Variants in GRIA3 observed in about 807,000 individuals in gnomAD.
GRIA3 encodes glutamate receptor 3.
Under a neutral mutation model 63.0 loss-of-function variants are expected in GRIA3, and 3 were observed. That is an observed-to-expected ratio of 0.05 (90% confidence interval 0.02 to 0.12). The LOEUF is 0.12. Among genes scored for constraint, GRIA3 ranks in the 10% least tolerant of loss-of-function variants. The pLI, the probability that GRIA3 is intolerant of heterozygous loss-of-function variation, is 1.00. For missense variants in GRIA3, 347 were observed against 700.9 expected (o/e 0.50, Z 5.70); for synonymous variants, 274 against 257.9 (o/e 1.06, Z -0.60).
At chrX:123,232,550 G>C (rs1340696415) in intron 2 of GRIA3, among the ~76,000 whole-genome samples, 4 of 111,463 alleles carry the variant, frequency 3.6e-5, no homozygotes, top group African/African-American at 1.3e-4. Flanking sequence ...CTTTATGAAT[G>C]TATTTAATAC....
chrX:123,193,494 T>A (rs1302467682), intron 2 of GRIA3, among the ~76,000 whole-genome samples: 1 of 111,629 alleles, frequency 9.0e-6, no homozygotes, highest in Non-Finnish European at 1.9e-5. Flanking sequence ...GACTGAAAAA[T>A]TGACTCCATT....
chrX:123,231,772 C>A (rs762053638), intron 2 of GRIA3, among the ~76,000 whole-genome samples: 1 of 110,589 alleles, frequency 9.0e-6, no homozygotes, highest in Non-Finnish European at 1.9e-5. Flanking sequence ...CCAAAACTAT[C>A]CCAGCTCCCC....
intron 4 of GRIA3, among the ~76,000 whole-genome samples, chrX:123,337,979 T>G (rs2147340154): frequency 8.9e-6 from 1 of 111,996 alleles, no homozygotes; most frequent in African/African-American, 3.2e-5. Context: ...ATTTCAGTCT[T>G]ACCTACTCAA....
chrX:123,193,853 C>T (rs150050542), intron 2 of GRIA3, among the ~76,000 whole-genome samples: 155 of 111,450 alleles, frequency 1.4e-3, no homozygotes, highest in African/African-American at 4.9e-3. Context: ...GCAGGATCCT[C>T]AGAGGGGGCT....
chrX:123,344,746 C>T (rs2045032515), intron 4 of GRIA3, among the ~76,000 whole-genome samples: 1 of 111,442 alleles, frequency 9.0e-6, no homozygotes, highest in Non-Finnish European at 1.9e-5. Flanking sequence ...CTGCTCCCTG[C>T]CTACCCAGGA....
chrX:123,363,022 G>T (rs1311915195), intron 5 of GRIA3, among the ~76,000 whole-genome samples: 1 of 112,574 alleles, frequency 8.9e-6, no homozygotes, highest in Non-Finnish European at 1.9e-5. Flanking sequence ...CTCCCAGGAG[G>T]ATGGATCTGC....
At position 123,218,133 on chromosome X, in the gene GRIA3, C is replaced by T. The variant is rs566925001; in HGVS notation, c.268+32143C>T. Among the ~76,000 whole-genome samples the T allele has an allele frequency of 8.0e-5, 9 of 112,317 alleles. No individual in the cohort carries two copies. The South Asian group carries it at 1.8e-3, about 23-fold the overall frequency. ...AGATGCTAAATAAGAAAGTGTATAA[C>T]CTGAAAGGCCTACCCATGGCATCAG... On this transcript the variant is annotated intron_variant, in intron 2 of 15. Coordinates refer to ENST00000620443, the MANE Select transcript of GRIA3 (RefSeq NM_007325.5).
intron 5 of GRIA3, among the ~76,000 whole-genome samples, chrX:123,358,064 AAGAC>A (rs1218070340): frequency 1.8e-5 from 2 of 111,077 alleles, no homozygotes; most frequent in African/African-American, 6.5e-5. Flanking sequence ...GCCTCCATCA[AAGAC>A]AGACAGAGAG....
intron 3 of GRIA3, among the ~76,000 whole-genome samples, chrX:123,318,266 T>TC (rs2044845272): frequency 1.8e-5 from 2 of 110,010 alleles, no homozygotes; most frequent in African/African-American, 6.9e-5. Context: ...TGGAGACATT[T>TC]TCCCCCCATG....
intron 12 of GRIA3, among the ~76,000 whole-genome samples, chrX:123,440,345 G>T (rs781559409): frequency 1.8e-5 from 2 of 112,276 alleles, no homozygotes; most frequent in African/African-American, 3.2e-5. Flanking sequence ...TGGTAGTTTT[G>T]CTTTTAGCTC....
intron 3 of GRIA3, among the ~76,000 whole-genome samples, chrX:123,287,233 C>T (rs1434578557): frequency 9.0e-6 from 1 of 111,693 alleles, no homozygotes; most frequent in Non-Finnish European, 1.9e-5. Context: ...GCTAAAAACT[C>T]TCAATAAACT....
At chrX:123,292,254 A>C (rs1233400835) in intron 3 of GRIA3, among the ~76,000 whole-genome samples, 1 of 111,705 alleles carries the variant, frequency 9.0e-6, no homozygotes, top group African/African-American at 3.2e-5. Context: ...TATTTTATGC[A>C]TGCAAATCTC....
intron 11 of GRIA3, among the ~76,000 whole-genome samples, chrX:123,421,793 G>A (rs1209078162): frequency 9.0e-6 from 1 of 111,568 alleles, no homozygotes; most frequent in Non-Finnish European, 1.9e-5. Context: ...ACTGCAGCGT[G>A]GGCATTATAC....
intron 3 of GRIA3, among the ~76,000 whole-genome samples, chrX:123,267,626 G>A (rs968472678): frequency 8.9e-6 from 1 of 112,246 alleles, no homozygotes; most frequent in Non-Finnish European, 1.9e-5. Flanking sequence ...AAATGTCTGT[G>A]TAGGCAATGT....
chrX:123,374,211 C>A (rs375539468), intron 5 of GRIA3, among the ~76,000 whole-genome samples: 16 of 111,620 alleles, frequency 1.4e-4, no homozygotes, highest in African/African-American at 5.2e-4. Context: ...TTCCATTGGT[C>A]TCTATCTCTG....
intron 2 of GRIA3, among the ~76,000 whole-genome samples, chrX:123,203,548 G>A (rs1017597947): frequency 3.6e-5 from 4 of 111,638 alleles, no homozygotes; most frequent in African/African-American, 1.3e-4. Flanking sequence ...CAGGAGCTCA[G>A]AGTCTTCAAG....
At chrX:123,461,853 A>G (rs1057250385) in intron 12 of GRIA3, among the ~76,000 whole-genome samples, 1 of 111,412 alleles carries the variant, frequency 9.0e-6, no homozygotes, top group Non-Finnish European at 1.9e-5. Flanking sequence ...AGTCATTACT[A>G]TATTAGAAAA....
chrX:123,470,736 C>T (rs2045857741), intron 13 of GRIA3, among the ~76,000 whole-genome samples: 1 of 111,902 alleles, frequency 8.9e-6, no homozygotes, highest in South Asian at 3.8e-4. Flanking sequence ...CTACAATTCT[C>T]CTCTCCTATG....
chrX:123,470,306 G>T (rs1164173094), intron 13 of GRIA3, among the ~76,000 whole-genome samples: 2 of 111,624 alleles, frequency 1.8e-5, no homozygotes, highest in African/African-American at 6.5e-5. Context: ...ATAGAGAAAT[G>T]CAGTTTTACT....
Sources: allele counts gnomAD v4.1 joint callset (sites outside exome capture counted in the v4.1 genomes callset), GRCh38; gene constraint gnomAD v4.1.1; transcripts MANE v1.5; gene names NCBI Gene and HGNC (gene_info 2026-07-23, HGNC 2026-07-21).